Variants in EXOC2 observed in about 807,000 individuals in gnomAD.
EXOC2 encodes the protein exocyst complex component 2, also known as SEC5-like 1.
A neutral mutation model predicts 131.8 loss-of-function variants in EXOC2; 70 were observed. The observed-to-expected ratio is 0.53, with a 90% CI of 0.44 to 0.65. EXOC2 has a LOEUF of 0.65. EXOC2 is among the 30% of genes least tolerant of loss of function. The pLI, the probability that EXOC2 is intolerant of heterozygous loss-of-function variation, is 0.00. For synonymous variants in EXOC2, 411 were observed against 398.4 expected (o/e 1.03, Z -0.38); for missense variants, 923 against 1,108.6 (o/e 0.83, Z 2.38).
At chr6:584,063 T>C (rs938043995) in intron 11 of EXOC2, among the ~76,000 whole-genome samples, 1 of 152,256 alleles carries the variant, frequency 6.6e-6, no homozygotes, top group Non-Finnish European at 1.5e-5. Flanking sequence ...TGCAACCTTA[T>C]TATGATAACT....
chr6:636,844 C>T (rs1238060698), intron 2 of EXOC2, among the ~76,000 whole-genome samples: 1 of 152,224 alleles, frequency 6.6e-6, no homozygotes, highest in Non-Finnish European at 1.5e-5. Context: ...ACTTAAAACT[C>T]TCTACCCTGG....
intron 23 of EXOC2, among the ~76,000 whole-genome samples, chr6:510,509 G>A (rs1467645634): frequency 2.0e-5 from 3 of 152,016 alleles, no homozygotes; most frequent in Non-Finnish European, 4.4e-5. Flanking sequence ...ATGGTTACAT[G>A]GTTTATTTTT....
intron 23 of EXOC2, among the ~76,000 whole-genome samples, chr6:500,003 G>GCA (rs147355436): frequency 4.0e-5 from 6 of 150,432 alleles, no homozygotes; most frequent in South Asian, 2.1e-4. Context: ...GTTTCTTCAC[G>GCA]CACACACACA....
chr6:596,616 C>T (rs1159225979), intron 10 of EXOC2, among the ~76,000 whole-genome samples: 5 of 152,130 alleles, frequency 3.3e-5, no homozygotes, highest in Non-Finnish European at 7.3e-5. Context: ...ATCCTTCTGC[C>T]TTGGCCTCCC....
chr6:499,847 G>A, intron 23 of EXOC2, 147 bp from the exon 24 acceptor site: 1 of 629,392 alleles, frequency 1.6e-6, no homozygotes, highest in Non-Finnish European at 2.8e-6. Context: ...GAATCAAATG[G>A]TGAAAGGAGT....
chr6:580,994 A>G (rs888133357), intron 11 of EXOC2, among the ~76,000 whole-genome samples: 5 of 152,150 alleles, frequency 3.3e-5, no homozygotes, highest in Non-Finnish European at 7.4e-5. Flanking sequence ...ACTAAAAGCA[A>G]TAAAAAAGTA....
At chr6:579,764 C>CA (rs796263150) in intron 11 of EXOC2, among the ~76,000 whole-genome samples, 255 of 145,362 alleles carry the variant, frequency 1.8e-3, no homozygotes, top group African/African-American at 3.9e-3. Context: ...GACCAAGTGT[C>CA]AAAAAAAAAA....
chr6:499,601 T>C (rs1377283594), intron 24 of EXOC2, 44 bp downstream of exon 24: 2 of 1,518,140 alleles, frequency 1.3e-6, no homozygotes, highest in Non-Finnish European at 9.0e-7. Context: ...TTTTTCTTTT[T>C]TTTGGTTATC....
intron 6 of EXOC2, among the ~76,000 whole-genome samples, chr6:611,174 A>G (rs1214024932): frequency 2.6e-5 from 4 of 152,126 alleles, no homozygotes; most frequent in Non-Finnish European, 5.9e-5. Flanking sequence ...CCCTCTCTGT[A>G]AGGAAAGGAG....
intron 23 of EXOC2, among the ~76,000 whole-genome samples, chr6:514,654 C>T (rs1183673940): frequency 2.6e-5 from 4 of 152,302 alleles, no homozygotes; most frequent in Non-Finnish European, 5.9e-5. Context: ...CACAGCTGCT[C>T]CAGGGGCTCC....
At chr6:602,935 C>T (rs6923764) in intron 7 of EXOC2, among the ~76,000 whole-genome samples, 13,616 of 152,220 alleles carry the variant, frequency 0.089, 1,040 homozygotes, top group African/African-American at 0.21. Context: ...GAACAAACAT[C>T]TTTGTATGTG....
At chr6:610,541 T>C (rs1760660751) in intron 6 of EXOC2, among the ~76,000 whole-genome samples, 1 of 152,212 alleles carries the variant, frequency 6.6e-6, no homozygotes, top group African/African-American at 2.4e-5. Flanking sequence ...AGCACTCACA[T>C]GACATTCAAA....
intron 10 of EXOC2, among the ~76,000 whole-genome samples, chr6:594,944 A>G (rs757273315): frequency 4.6e-5 from 7 of 152,198 alleles, no homozygotes; most frequent in African/African-American, 7.2e-5. Flanking sequence ...AAGGCTTTTT[A>G]GATTCAAAAG....
At chr6:633,238 T>A (rs537250146) in intron 2 of EXOC2, 121 bp from the exon 3 acceptor site, 3 of 1,058,450 alleles carry the variant, frequency 2.8e-6, no homozygotes, top group Admixed American at 5.7e-5. Context: ...ATATACCCAA[T>A]ATTATTTGCA....
intron 1 of EXOC2, among the ~76,000 whole-genome samples, chr6:647,616 A>G (rs1338456): frequency 0.063 from 7,623 of 120,234 alleles, 466 homozygotes; most frequent in South Asian, 0.17. Context: ...GTGACCGCTC[A>G]CATTCTAATA....
intron 13 of EXOC2, among the ~76,000 whole-genome samples, chr6:567,532 G>A (rs1758033015): frequency 6.6e-6 from 1 of 152,092 alleles, no homozygotes; most frequent in African/African-American, 2.4e-5. Context: ...GCTTACTTTG[G>A]TGACTTTTAT....
chr6:531,604 C>G lies in EXOC2; in HGVS notation c.2380+865G>C, dbSNP rs187679850. Among the ~76,000 whole-genome samples, 476 of 152,296 alleles carry G rather than the reference C, an allele frequency of 3.1e-3. 10 individuals are homozygous for G. Among genetic ancestry groups the G allele is most frequent in the Admixed American group, 0.027 (416 of 15,310 alleles). ...AAACCAAAGGTGTTTAAACAGTAAA[C>G]AATTTTATCATCGTTTAGTATAAGT... On this transcript the variant is annotated intron_variant, in intron 23 of 27. Coordinates refer to ENST00000230449, the MANE Select transcript of EXOC2 (RefSeq NM_018303.6).
intron 13 of EXOC2, among the ~76,000 whole-genome samples, chr6:566,837 A>C (rs1278788297): frequency 2.6e-5 from 4 of 152,064 alleles, no homozygotes; most frequent in African/African-American, 9.7e-5. Flanking sequence ...CAGGAATCTC[A>C]ATCTACCACA....
intron 4 of EXOC2, among the ~76,000 whole-genome samples, chr6:626,021 G>C (rs1761547501): frequency 6.6e-6 from 1 of 152,072 alleles, no homozygotes; most frequent in African/African-American, 2.4e-5. Context: ...TACTTAACAT[G>C]AACCTGTTTT....
Sources: gnomAD v4.1 joint callset for allele counts (sites outside exome capture counted in the v4.1 genomes callset) on GRCh38, gnomAD v4.1.1 for gene constraint, MANE v1.5 for transcripts, NCBI Gene and HGNC (gene_info 2026-07-23, HGNC 2026-07-21) for gene names.